Variants in TBC1D22A observed in about 807,000 individuals in gnomAD.
TBC1D22A encodes TBC1 domain family member 22A, also known as putative GTPase activator.
In TBC1D22A, 38 loss-of-function variants were observed where a neutral mutation model predicts 60.2. That is an observed-to-expected ratio of 0.63 (90% CI 0.49 to 0.83). The LOEUF (loss-of-function observed/expected upper bound fraction) is 0.83. Among genes scored for constraint, TBC1D22A ranks in the 40% least tolerant of loss-of-function variants. The pLI is 0.00. For missense variants in TBC1D22A, 628 were observed against 701.0 expected (o/e 0.90, Z 1.18); for synonymous variants, 302 against 281.7 (o/e 1.07, Z -0.72).
At chr22:46,877,533 G>A (rs2067624100) in intron 4 of TBC1D22A, among the ~76,000 whole-genome samples, 1 of 152,170 alleles carries the variant, frequency 6.6e-6, no homozygotes, top group Non-Finnish European at 1.5e-5. Context: ...GGGTACTGGG[G>A]AAGATTTGAT....
chr22:47,062,784 T>C (rs921752900), intron 11 of TBC1D22A, among the ~76,000 whole-genome samples: 4 of 152,176 alleles, frequency 2.6e-5, no homozygotes, highest in African/African-American at 9.7e-5. Context: ...TTGGGGTGAC[T>C]TGTTTAATCC....
intron 12 of TBC1D22A, among the ~76,000 whole-genome samples, chr22:47,128,350 T>C (rs1389666617): frequency 1.7e-5 from 1 of 59,426 alleles, no homozygotes; most frequent in Non-Finnish European, 3.1e-5. Flanking sequence ...CCCCAGCTCC[T>C]CACCTATTTC....
intron 7 of TBC1D22A, among the ~76,000 whole-genome samples, chr22:46,901,217 T>A (rs1276123106): frequency 6.6e-6 from 1 of 152,230 alleles, no homozygotes; most frequent in Non-Finnish European, 1.5e-5. Context: ...GGATTAAGTT[T>A]GCTAACATGT....
intron 8 of TBC1D22A, among the ~76,000 whole-genome samples, chr22:46,932,230 C>T (rs1300241741): frequency 1.3e-5 from 2 of 152,154 alleles, no homozygotes; most frequent in Admixed American, 6.5e-5. Flanking sequence ...TGCCCTCTGG[C>T]GACACCACCA....
At chr22:46,767,198 G>T (rs1371580321) in intron 1 of TBC1D22A, among the ~76,000 whole-genome samples, 1 of 152,116 alleles carries the variant, frequency 6.6e-6, no homozygotes, top group Non-Finnish European at 1.5e-5. Flanking sequence ...TGTGTGGTGT[G>T]GTAGATAGAC....
At chr22:46,834,182 A>G (rs190790192) in intron 4 of TBC1D22A, among the ~76,000 whole-genome samples, 1 of 152,232 alleles carries the variant, frequency 6.6e-6, no homozygotes, top group East Asian at 1.9e-4. Context: ...TAAAATAGGG[A>G]AGAGACTCAA....
At chr22:47,157,623 C>T (rs571075978) in intron 12 of TBC1D22A, among the ~76,000 whole-genome samples, 2 of 152,346 alleles carry the variant, frequency 1.3e-5, no homozygotes, top group Admixed American at 6.5e-5. Context: ...CAGAGCGTGC[C>T]GTCGTGAGCT....
intron 11 of TBC1D22A, among the ~76,000 whole-genome samples, chr22:47,048,027 A>C (rs1855373936): frequency 6.6e-6 from 1 of 152,194 alleles, no homozygotes; most frequent in South Asian, 2.1e-4. Flanking sequence ...AAATGAAAGG[A>C]ACAAGAAAAA....
intron 9 of TBC1D22A, 30 bp from the exon 10 acceptor site, chr22:46,997,604 A>G (rs748675965): frequency 2.5e-6 from 4 of 1,585,374 alleles, no homozygotes; most frequent in East Asian, 2.2e-5. Flanking sequence ...TTTTATATGC[A>G]TATGATTCAC....
chr22:46,991,579 G>A (rs1014134492), intron 9 of TBC1D22A, among the ~76,000 whole-genome samples: 1 of 152,306 alleles, frequency 6.6e-6, no homozygotes, highest in Non-Finnish European at 1.5e-5. Flanking sequence ...TGGGAAGCGC[G>A]TGTAGTCACT....
chr22:46,925,960 A>T (rs1386452542), intron 8 of TBC1D22A, among the ~76,000 whole-genome samples: 1 of 152,248 alleles, frequency 6.6e-6, no homozygotes, highest in East Asian at 1.9e-4. Flanking sequence ...GAGTTTATAC[A>T]AAGTGTGTTC....
At chr22:47,068,602 C>T (rs1174835780) in intron 11 of TBC1D22A, among the ~76,000 whole-genome samples, 1 of 152,132 alleles carries the variant, frequency 6.6e-6, no homozygotes, top group Non-Finnish European at 1.5e-5. Context: ...TCTCTAAAAC[C>T]CTGGGGCCAG....
intron 1 of TBC1D22A, among the ~76,000 whole-genome samples, chr22:46,791,548 T>TC (rs996339984): frequency 3.5e-5 from 5 of 143,568 alleles, no homozygotes; most frequent in African/African-American, 7.6e-5. Context: ...TTTTTTTTTT[T>TC]CCAGAAAAGT....
intron 12 of TBC1D22A, among the ~76,000 whole-genome samples, chr22:47,125,093 C>T (rs2066408132): frequency 6.6e-6 from 1 of 152,108 alleles, no homozygotes; most frequent in Non-Finnish European, 1.5e-5. Context: ...ACTCCTGCCC[C>T]AGGCCCATGG....
chr22:46,898,791 A>G (rs2068823422), intron 7 of TBC1D22A, among the ~76,000 whole-genome samples: 1 of 152,268 alleles, frequency 6.6e-6, no homozygotes, highest in Non-Finnish European at 1.5e-5. Flanking sequence ...GGAGGCATGT[A>G]GCTTCATCGT....
chr22:46,774,810 T>C (rs2083632795), intron 1 of TBC1D22A, among the ~76,000 whole-genome samples: 1 of 152,202 alleles, frequency 6.6e-6, no homozygotes, highest in South Asian at 2.1e-4. Flanking sequence ...TTCTTGCTCA[T>C]GCTTGGGTTC....
intron 12 of TBC1D22A, among the ~76,000 whole-genome samples, chr22:47,136,193 G>A (rs536254886): frequency 2.0e-5 from 3 of 152,338 alleles, no homozygotes; most frequent in South Asian, 2.1e-4. Context: ...TGCCAGCTGC[G>A]GTGGGGGCCC....
intron 12 of TBC1D22A, among the ~76,000 whole-genome samples, chr22:47,127,360 TG>T (rs1268785409): frequency 6.6e-6 from 1 of 150,628 alleles, no homozygotes; most frequent in Non-Finnish European, 1.5e-5. Context: ...CACGAGTAGC[TG>T]GGATTACAGG....
intron 1 of TBC1D22A, among the ~76,000 whole-genome samples, chr22:46,790,579 C>T (rs774801378): frequency 5.9e-5 from 9 of 151,868 alleles, no homozygotes; most frequent in African/African-American, 1.2e-4. Context: ...AAGTGGTGAG[C>T]ACCTCATTAG....
Sources: allele counts gnomAD v4.1 joint callset (sites outside exome capture counted in the v4.1 genomes callset), GRCh38; gene constraint gnomAD v4.1.1; transcripts MANE v1.5; gene names NCBI Gene and HGNC (gene_info 2026-07-23, HGNC 2026-07-21).